The following CEP126 variants were observed in gnomAD, a reference collection of about 807,000 sequenced individuals.
The protein encoded by CEP126 is centrosomal protein of 126 kDa.
CEP126 carries 74 observed loss-of-function variants against 107.8 expected under a neutral mutation model. The ratio of observed to expected loss-of-function variants is 0.69; its 90% confidence interval spans 0.57 to 0.83. CEP126 has a LOEUF of 0.83. Among genes scored for constraint, CEP126 ranks in the 40% least tolerant of loss-of-function variants. The pLI is 0.00. For missense variants in CEP126, 1,237 were observed against 1,281.9 expected, an observed-to-expected ratio of 0.96 and a Z score of 0.53; for synonymous variants, 449 against 446.0, an observed-to-expected ratio of 1.01 and a Z score of -0.08.
chr11:101,934,222 C>T (rs1406794436), intron 2 of CEP126, among the ~76,000 whole-genome samples: 1 of 152,042 alleles, frequency 6.6e-6, no homozygotes, highest in Non-Finnish European at 1.5e-5. Context: ...AGCAACTTGG[C>T]TCTTTTTGTC....
At chr11:101,938,703 A>C (rs1940626955) in intron 2 of CEP126, among the ~76,000 whole-genome samples, 2 of 152,136 alleles carry the variant, frequency 1.3e-5, no homozygotes, top group South Asian at 4.1e-4. Context: ...TTTTAAAATA[A>C]AATTATAAAT....
At chr11:101,951,213 T>A (rs1419575029) in intron 4 of CEP126, among the ~76,000 whole-genome samples, 1 of 152,024 alleles carries the variant, frequency 6.6e-6, no homozygotes, top group Non-Finnish European at 1.5e-5. Flanking sequence ...GTATAAGAAT[T>A]GAAGTATAGG....
intron 9 of CEP126, among the ~76,000 whole-genome samples, chr11:101,990,071 T>C (rs1941359885): frequency 6.6e-6 from 1 of 152,190 alleles, no homozygotes; most frequent in South Asian, 2.1e-4. Flanking sequence ...AAGCTGATAT[T>C]AGAAATTGTT....
chr11:101,934,784 T>G (rs1407396938), intron 2 of CEP126, among the ~76,000 whole-genome samples: 1 of 152,074 alleles, frequency 6.6e-6, no homozygotes, highest in African/African-American at 2.4e-5. Context: ...AGGCATTGGG[T>G]TATTCTAATT....
intron 8 of CEP126, among the ~76,000 whole-genome samples, chr11:101,982,348 C>T (rs1419682257): frequency 1.3e-5 from 2 of 152,054 alleles, no homozygotes; most frequent in South Asian, 2.1e-4. Context: ...AAAGTATTTT[C>T]CGGAAAAGTA....
In CEP126 at chr11:101,934,061, G is replaced by A. The variant is rs35475085; in HGVS notation, c.249-10204G>A. ...ATACAAAGGACAAGGTATCATCTTCGCTCTTTGTTTTCATTTCTGGCTATT... is the reference window on the plus strand; with the variant it reads ...ATACAAAGGACAAGGTATCATCTTCACTCTTTGTTTTCATTTCTGGCTATT... On this transcript the variant is annotated intron_variant, in intron 2 of 10. Coordinates refer to ENST00000263468, the MANE Select transcript of CEP126 (RefSeq NM_020802.4). 3.3e-3 allele frequency among the ~76,000 whole-genome samples: 496 copies of A among 151,980 alleles called. 2 individuals carry two copies. The highest frequency in any genetic ancestry group is 5.7e-3 in the Non-Finnish European group (390 of 67,876).
intron 9 of CEP126, 144 bp from the exon 10 acceptor site, chr11:101,992,632 CTA>C (rs1445730320): frequency 2.1e-6 from 1 of 481,868 alleles, no homozygotes; most frequent in African/African-American, 2.0e-5. Flanking sequence ...AGTATAAAGA[CTA>C]TTTCTGGGGG....
intron 1 of CEP126, among the ~76,000 whole-genome samples, chr11:101,921,455 A>G (rs1260030202): frequency 6.6e-6 from 1 of 152,022 alleles, no homozygotes; most frequent in African/African-American, 2.4e-5. Flanking sequence ...GCCTGTAATC[A>G]CACCACTATG....
chr11:101,991,031 TC>T, intron 9 of CEP126, among the ~76,000 whole-genome samples: 1 of 151,824 alleles, frequency 6.6e-6, no homozygotes, highest in African/African-American at 2.4e-5. Flanking sequence ...AAAAAATTAG[TC>T]AGGCATGGTG....
In CEP126 at chr11:101,940,596, C is replaced by G. The variant is rs187652756; in HGVS notation, c.249-3669C>G. ...TCATGCTTTTGCACTCAGATTTGTG[C>G]TGTGGTTGGTGTTATCTGAAGATTC... On this transcript the variant is annotated intron_variant, in intron 2 of 10. Transcript: ENST00000263468. Among the ~76,000 whole-genome samples the G allele has an allele frequency of 3.2e-3, 484 of 152,270 alleles. 13 individuals carry two copies. Among genetic ancestry groups the G allele is most frequent in the Admixed American group, 0.027 (414 of 15,296 alleles).
At chr11:101,945,690 T>G (rs182026317) in intron 3 of CEP126, among the ~76,000 whole-genome samples, 1 of 152,122 alleles carries the variant, frequency 6.6e-6, no homozygotes, top group African/African-American at 2.4e-5. Flanking sequence ...TCAAAAGTCT[T>G]TAGTAACACA....
intron 6 of CEP126, among the ~76,000 whole-genome samples, chr11:101,975,198 T>C (rs1333262068): frequency 2.0e-5 from 3 of 152,198 alleles, no homozygotes; most frequent in Non-Finnish European, 4.4e-5. Flanking sequence ...ATAAGCATAA[T>C]ACAGTGCTTT....
Position 101,978,360 on chromosome 11 carries a change from G to C in CEP126, c.2859G>C (p.Met953Ile), listed in dbSNP as rs750707737. Residue 953 changes from methionine to isoleucine, a missense_variant, in exon 7 of 11, where the codon ATG becomes ATC. Physicochemically the swap from Met to Ile is conservative, Grantham distance 10. Around this residue, in one of 3 missense-constraint regions of CEP126, gnomAD observed 1,134 missense variants for 1,150.5 expected, o/e 0.99. Transcript: ENST00000263468. Reference protein sequence around the residue: ...QNKRATGSTVMRRKRIAETKR... With the variant: ...QNKRATGSTVIRRKRIAETKR... The stretch of plus-strand genomic sequence containing the variant: ...CATTTGTTTAAGGGTCTACTGTTAT[G>C]AGAAGAAAACGAATTGCTGAAACTA... 4 of 1,612,118 alleles carry C rather than the reference G, an allele frequency of 2.5e-6. No individual in the cohort carries two copies. The East Asian group carries it at 8.9e-5, about 36-fold the overall frequency.
rs543631747 is a variant in CEP126 at position 101,923,472 on chromosome 11, C to A, written c.248+712C>A. ...TTTTGCTACCTTGTCCATATTTCTA[C>A]AATATATGAATAGCAGAAAATCCCT... On this transcript the variant is annotated intron_variant, in intron 2 of 10. Transcript: ENST00000263468. Among the ~76,000 whole-genome samples the A allele has an allele frequency of 3.9e-5, 6 of 152,186 alleles. No homozygotes were observed. The South Asian group carries it at 1.2e-3, about 32-fold the overall frequency.
intron 10 of CEP126, among the ~76,000 whole-genome samples, chr11:101,994,025 G>A (rs1941415114): frequency 6.6e-6 from 1 of 152,190 alleles, no homozygotes; most frequent in Admixed American, 6.5e-5. Context: ...CCTGAGGTCA[G>A]TAGTTCGAGA....
At chr11:101,993,230 G>A (rs1941405664) in intron 10 of CEP126, among the ~76,000 whole-genome samples, 1 of 152,046 alleles carries the variant, frequency 6.6e-6, no homozygotes, top group South Asian at 2.1e-4. Context: ...CCTCAAGTGG[G>A]CCCCAGTGTC....
At chr11:101,935,515 A>G (rs1177987760) in intron 2 of CEP126, among the ~76,000 whole-genome samples, 2 of 152,050 alleles carry the variant, frequency 1.3e-5, no homozygotes, top group African/African-American at 4.8e-5. Context: ...GTGTGGTATG[A>G]TATAAGGGTT....
chr11:101,955,748 CTG>C, intron 4 of CEP126: 1 of 383,464 alleles, frequency 2.6e-6, no homozygotes. Context: ...CTTAATAAGG[CTG>C]TCTCTCTGCC....
At position 101,986,962 on chromosome 11, in the gene CEP126, A is replaced by G. The variant is rs954962104; in HGVS notation, c.3165A>G (p.Gln1055=). 3 of 1,613,884 alleles carry G rather than the reference A, an allele frequency of 1.9e-6. No homozygotes were observed. The highest frequency in any genetic ancestry group is 1.1e-5 in the South Asian group (1 of 91,082). The change falls in exon 9 of 11, where the codon CAA becomes CAG. Residue 1055 remains glutamine (Q), a synonymous_variant. Transcript: ENST00000263468. ...CAAATCTACCTTTAAATAAAACTCAACAATTCAACATCTGCACACTGTCAG... is the reference window on the plus strand; with the variant it reads ...CAAATCTACCTTTAAATAAAACTCAGCAATTCAACATCTGCACACTGTCAG... The part of the protein sequence containing the change: ...QKSNLPLNKT[Q]QFNICTLSAE...
Sources: allele counts gnomAD v4.1 joint callset (sites outside exome capture counted in the v4.1 genomes callset), GRCh38; gene constraint gnomAD v4.1.1; regional missense constraint gnomAD v4.1.1; transcripts MANE v1.5; gene names NCBI Gene and HGNC (gene_info 2026-07-23, HGNC 2026-07-21).